Variants in FAM219B observed in about 807,000 individuals in gnomAD.
FAM219B encodes the protein family with sequence similarity 219 member B.
Under a neutral mutation model 19.9 loss-of-function variants are expected in FAM219B, and 18 were observed. That is an observed-to-expected ratio of 0.91 (90% confidence interval 0.63 to 1.34). The LOEUF (loss-of-function observed/expected upper bound fraction) is 1.34, where lower values mean the gene tolerates loss of function less well. Among genes scored for constraint, FAM219B ranks in the 40% most tolerant of loss-of-function variants. FAM219B has a pLI of 0.00. For synonymous variants in FAM219B, 123 were observed against 117.5 expected (o/e 1.05, Z -0.30); for missense variants, 283 against 270.5 (o/e 1.05, Z -0.32).
chr15:74,906,176 G>T, intron 2 of FAM219B, 102 bp downstream of exon 2: 1 of 1,189,080 alleles, frequency 8.4e-7, no homozygotes, highest in Non-Finnish European at 1.2e-6. Context: ...TGCATCAGGG[G>T]AATCGCTAGC....
chr15:74,906,207 C>T (rs1043793258), intron 2 of FAM219B, 71 bp downstream of exon 2: 1 of 1,537,712 alleles, frequency 6.5e-7, no homozygotes, highest in Middle Eastern at 1.7e-4. Context: ...ACCAGAGCAC[C>T]CTGCCTCCGT....
chr15:74,905,394 T>C, intron 2 of FAM219B, 163 bp from the exon 3 acceptor site: 1 of 636,174 alleles, frequency 1.6e-6, no homozygotes, highest in Non-Finnish European at 2.8e-6. Flanking sequence ...TGTACCTGGC[T>C]ACAGTGCCTC....
intron 3 of FAM219B, 191 bp downstream of exon 3, chr15:74,904,963 T>C: frequency 6.5e-7 from 1 of 1,537,452 alleles, no homozygotes; most frequent in African/African-American, 1.4e-5. Context: ...TGCTCCGAAT[T>C]CTAGAGCAGC....
At chr15:74,906,011 TCTC>T (rs962806219) in intron 2 of FAM219B, 2 of 436,402 alleles carry the variant, frequency 4.6e-6, no homozygotes, top group Non-Finnish European at 8.2e-6. Context: ...CAGCCACCAT[TCTC>T]CTCCCTAACA....
chr15:74,904,567 C>A, intron 4 of FAM219B, 97 bp downstream of exon 4: 1 of 1,405,474 alleles, frequency 7.1e-7, no homozygotes, highest in Non-Finnish European at 1.0e-6. Flanking sequence ...AAGTCTGGCA[C>A]AGTGCTGTGC....
rs753011700 is a variant in FAM219B, at chr15:74,906,275, G to A, written c.302+3C>T. On this transcript the variant is annotated splice_donor_region_variant and intron_variant, in intron 2 of 4. Coordinates refer to ENST00000357635, the MANE Select transcript of FAM219B (RefSeq NM_020447.5). ...GCACAGAGGAGGTGGCGCCTGCTGA[G>A]ACCTTTTCCCTGAAGAGTCTGGGCG... 4.3e-6 allele frequency: 7 copies of A among 1,613,106 alleles called. No homozygotes were observed. In the South Asian group the frequency reaches 4.4e-5, roughly 10 times the overall value.
chr15:74,897,990 C>A, downstream of FAM219B: 1 of 533,936 alleles, frequency 1.9e-6, no homozygotes, highest in Non-Finnish European at 3.4e-6. Context: ...TACACCTGAG[C>A]CAGGCTCTTG....
At chr15:74,903,966 G>A (rs900678646) in intron 4 of FAM219B, among the ~76,000 whole-genome samples, 1 of 152,206 alleles carries the variant, frequency 6.6e-6, no homozygotes, top group Non-Finnish European at 1.5e-5. Flanking sequence ...AGAAACAGAA[G>A]TTGTTTGGTC....
At position 74,902,673 on chromosome 15, in the gene FAM219B, T is replaced by C; in HGVS notation, c.543A>G (p.Thr181=). ...CAAGACAGCACCAGCAGCAGGAGCATGTTGAAGAGGCCATGGGCTTAGGGG... is the reference window on the plus strand; with the variant it reads ...CAAGACAGCACCAGCAGCAGGAGCACGTTGAAGAGGCCATGGGCTTAGGGG... The part of the protein sequence containing the change: ...LIPPKPMASS[T]CSCCWCCLGD... The change falls in exon 5 of 5, where the codon ACA becomes ACG. Residue 181 remains threonine (T), a synonymous_variant. Coordinates refer to ENST00000357635, the MANE Select transcript of FAM219B (RefSeq NM_020447.5). 1 of 1,613,140 alleles carries C rather than the reference T, an allele frequency of 6.2e-7. No individual in the cohort carries two copies. The highest frequency in any genetic ancestry group is 8.5e-7 in the Non-Finnish European group (1 of 1,179,562).
rs1127796 is a variant in FAM219B, at chr15:74,900,663, T to C, written c.*1956A>G. 0.37 allele frequency: 56,968 copies of C among 152,164 alleles called. 13,537 individuals are homozygous for C. Among genetic ancestry groups the C allele is most frequent in the Non-Finnish European group, 0.54 (36,655 of 67,982 alleles). The allele number at this position is 152,164 out of a possible 1,614,324, so 9.4% of individuals were successfully genotyped here. ...ATGGGGAAGGGGTTCTGGATGGAGA[T>C]GTTCTTGAGCTCTACAAGCATTTGC... On this transcript the variant is annotated 3_prime_UTR_variant, in exon 5 of 5. Transcript: ENST00000357635.
chr15:74,906,356 C>G lies in FAM219B; in HGVS notation c.224G>C (p.Arg75Pro), dbSNP rs199648295. ...PSIQAKLQKH[R>P]DLAKAVLRRK... ...CCGCAGAACGGCCTTGGCCAGGTCC[C>G]GGTGCTTCTCTGGAAGTTAAAGGAC... The change falls in exon 2 of 5, where the codon CGG (arginine) becomes CCG (proline). Residue 75 changes from arginine to proline, a missense_variant. Transcript: ENST00000357635. The G allele has an allele frequency of 2.5e-6, 4 of 1,611,228 alleles. No individual in the cohort carries two copies. The East Asian group carries it at 6.7e-5, about 27-fold the overall frequency.
At position 74,906,794 on chromosome 15, in the gene FAM219B, T is replaced by C; in HGVS notation, c.7A>G (p.Thr3Ala). The C allele has an allele frequency of 1.6e-6, 2 of 1,283,464 alleles. No homozygotes were observed. The highest frequency in any genetic ancestry group is 2.0e-6 in the Non-Finnish European group (2 of 1,016,538). The allele number at this position is 1,283,464 out of a possible 1,614,324, so 79.5% of individuals were successfully genotyped here. Residue 3 changes from threonine (T) to alanine (A), a missense_variant, in exon 1 of 5, where the codon ACC becomes GCC. Physicochemically the swap from Thr to Ala is moderately conservative, Grantham distance 58. Transcript: ENST00000357635. MA[T>A]AEPSGRALRL... is the part of the protein sequence containing the mutation. ...AACGCGCGCCCGCTGGGCTCCGCGGTCGCCATGGCCGGGCCCCGCCCTGCC... is the reference window on the plus strand; with the variant it reads ...AACGCGCGCCCGCTGGGCTCCGCGGCCGCCATGGCCGGGCCCCGCCCTGCC...
rs985944562 is a variant in FAM219B, at chr15:74,902,016, T to A, written c.*603A>T. 2.5e-6 allele frequency: 1 copy of A among 397,946 alleles called. No homozygotes were observed. Among genetic ancestry groups the A allele is most frequent in the African/African-American group, 2.1e-5 (1 of 48,618 alleles). 24.7% of individuals were successfully genotyped at this position (397,946 alleles called of 1,614,324 possible). A position where few individuals can be genotyped will look rare whatever the true frequency, so the allele number is the denominator to read the frequency against. The stretch of plus-strand genomic sequence containing the variant: ...TTCTGGAAGCCAGGATCCTGCTGTA[T>A]CATTAAGCAACCTGCTATGATCCCT... On this transcript the variant is annotated 3_prime_UTR_variant, in exon 5 of 5. Transcript: ENST00000357635.
intron 3 of FAM219B, 133 bp from the exon 4 acceptor site, chr15:74,904,845 G>T (rs1004013742): frequency 9.1e-6 from 13 of 1,431,978 alleles, no homozygotes; most frequent in Non-Finnish European, 1.3e-5. Flanking sequence ...ACTCAAGTCC[G>T]AACAGGCCTT....
intron 2 of FAM219B, 47 bp downstream of exon 2, chr15:74,906,231 G>T: frequency 6.3e-7 from 1 of 1,593,562 alleles, no homozygotes. Flanking sequence ...GGGGATTAAA[G>T]CCTTCTCTAA....
At chr15:74,905,125 A>G in intron 3 of FAM219B, 29 bp downstream of exon 3, 1 of 1,613,666 alleles carries the variant, frequency 6.2e-7, no homozygotes, top group Non-Finnish European at 8.5e-7. Context: ...GTTGCTTCCC[A>G]AGGGGGTATT....
rs1474243704 is a variant in FAM219B, at chr15:74,900,471, A to G, written c.*2148T>C. 1.3e-5 allele frequency: 2 copies of G among 152,262 alleles called. No individual in the cohort carries two copies. The highest frequency in any genetic ancestry group is 2.9e-5 in the Non-Finnish European group (2 of 68,140). The allele number at this position is 152,262 out of a possible 1,614,324, so 9.4% of individuals were successfully genotyped here. On this transcript the variant is annotated 3_prime_UTR_variant, in exon 5 of 5. Transcript: ENST00000357635. ...GCCATTCTGCCCTGACCACCTCCCC[A>G]ACAGAGATGTAGGTCTATACTTACC... is the stretch of plus-strand genomic sequence containing the variant.
chr15:74,903,910 A>G (rs1304257917), intron 4 of FAM219B, among the ~76,000 whole-genome samples: 1 of 152,172 alleles, frequency 6.6e-6, no homozygotes, highest in Non-Finnish European at 1.5e-5. Context: ...CTACATGGCT[A>G]TCCCAGGAGT....
intron 4 of FAM219B, 135 bp from the exon 5 acceptor site, chr15:74,902,921 G>A: frequency 1.1e-6 from 1 of 896,798 alleles, no homozygotes; most frequent in South Asian, 1.8e-5. Context: ...CACATCCCTG[G>A]ACTACAGGAG....
Sources: gnomAD v4.1 joint callset for allele counts (sites outside exome capture counted in the v4.1 genomes callset) on GRCh38, gnomAD v4.1.1 for gene constraint, MANE v1.5 for transcripts, NCBI Gene and HGNC (gene_info 2026-07-23, HGNC 2026-07-21) for gene names.